GABRR3: variants seen among roughly 807,000 people sequenced by gnomAD.
The protein encoded by GABRR3 is gamma-aminobutyric acid receptor subunit rho-3.
GABRR3 carries 29 observed loss-of-function variants against 43.2 expected under a neutral mutation model. That is an observed-to-expected ratio of 0.67 (90% CI 0.50 to 0.92). The LOEUF (loss-of-function observed/expected upper bound fraction) is 0.92, where lower values mean the gene tolerates loss of function less well. GABRR3 is among the 40% of genes least tolerant of loss of function. The pLI, the probability that GABRR3 is intolerant of heterozygous loss-of-function variation, is 0.00. For synonymous variants in GABRR3, 206 were observed against 195.9 expected (o/e 1.05, Z -0.43); for missense variants, 576 against 572.3 (o/e 1.01, Z -0.07).
At chr3:98,009,005 G>C (rs1374773368) in exon 6 of GABRR3, 2 of 1,608,040 alleles carry the variant, frequency 1.2e-6, no homozygotes, top group African/African-American at 2.7e-5. Flanking sequence ...GAAACCTGCT[G>C]AAATCCATAA....
At chr3:98,015,427 C>T (rs933451128) in intron 4 of GABRR3, among the ~76,000 whole-genome samples, 1 of 152,196 alleles carries the variant, frequency 6.6e-6, no homozygotes, top group Non-Finnish European at 1.5e-5. Flanking sequence ...AACTCCTGAC[C>T]TCAAATGATC....
intron 3 of GABRR3, 96 bp from the exon 4 acceptor site, chr3:98,017,818 G>A: frequency 1.2e-6 from 1 of 814,006 alleles, no homozygotes. Flanking sequence ...GACAGCAACT[G>A]AATTACTGTT....
chr3:97,990,108 C>A (rs762857993), intron 9 of GABRR3, among the ~76,000 whole-genome samples: 6 of 152,258 alleles, frequency 3.9e-5, no homozygotes, highest in Admixed American at 3.9e-4. Context: ...TAGTAATACT[C>A]CTATTCCCTC....
intron 8 of GABRR3, among the ~76,000 whole-genome samples, chr3:97,994,270 G>C (rs1022207604): frequency 1.3e-5 from 2 of 152,178 alleles, no homozygotes; most frequent in African/African-American, 2.4e-5. Context: ...TCATCTGAGA[G>C]AGCCCCATAT....
chr3:97,987,564 A>C (rs1706404231), intron 9 of GABRR3, among the ~76,000 whole-genome samples: 1 of 152,198 alleles, frequency 6.6e-6, no homozygotes, highest in Admixed American at 6.5e-5. Context: ...GAGAGAGGCT[A>C]CTATCGGATG....
intron 7 of GABRR3, among the ~76,000 whole-genome samples, chr3:98,004,935 G>A (rs1201816248): frequency 3.3e-5 from 5 of 151,940 alleles, no homozygotes; most frequent in Non-Finnish European, 7.4e-5. Flanking sequence ...TTAATGATTC[G>A]TGGATAATGT....
Position 98,028,240 on chromosome 3 carries a change from GTTC to G in GABRR3, c.126-2564_126-2562del, listed in dbSNP as rs1707046564. The stretch of plus-strand genomic sequence containing the variant: ...AAAACTCGGTTTTTGCATTAATTCT[GTTC>G]TTATTTTTTAATCTTTATAGATGGA... On this transcript the variant is annotated intron_variant, in intron 2 of 9. Transcript: ENST00000621172. Among the ~76,000 whole-genome samples, 3 of 152,056 alleles carry G rather than the reference GTTC, an allele frequency of 2.0e-5. No homozygotes were observed. In the South Asian group the frequency reaches 6.2e-4, roughly 32 times the overall value.
At chr3:97,995,018 C>G (rs898134761) in intron 8 of GABRR3, among the ~76,000 whole-genome samples, 4 of 151,852 alleles carry the variant, frequency 2.6e-5, no homozygotes, top group Non-Finnish European at 5.9e-5. Flanking sequence ...TGCTCTTGTC[C>G]CCCAGGCTGG....
intron 3 of GABRR3, among the ~76,000 whole-genome samples, chr3:98,024,595 C>T (rs1270907667): frequency 1.3e-5 from 2 of 152,110 alleles, no homozygotes; most frequent in African/African-American, 4.8e-5. Context: ...TGAACACTTG[C>T]GGTATTCGTT....
At chr3:97,986,523 T>G, downstream of GABRR3, 1 of 551,112 alleles carries the variant, frequency 1.8e-6, no homozygotes, top group East Asian at 3.1e-5. Flanking sequence ...GGACCTAAAC[T>G]CTTTCTTAGA....
At chr3:98,025,799 T>C in intron 2 of GABRR3, 120 bp from the exon 3 acceptor site, 1 of 610,334 alleles carries the variant, frequency 1.6e-6, no homozygotes, top group Non-Finnish European at 2.8e-6. Context: ...AAAAGCTCAT[T>C]TTCTCAGTTC....
chr3:98,023,713 T>A (rs1279027417), intron 3 of GABRR3, among the ~76,000 whole-genome samples: 2 of 152,210 alleles, frequency 1.3e-5, no homozygotes. Flanking sequence ...TAAACCTGCT[T>A]CATCTCAAGG....
exon 10 of GABRR3, chr3:97,986,912 A>G (rs1706394493): frequency 6.2e-7 from 1 of 1,611,752 alleles, no homozygotes; most frequent in Admixed American, 1.7e-5. Context: ...GTCCATGTCA[A>G]TCTCGCTGTC....
In GABRR3 at chr3:98,003,485, T is replaced by TGCG. The variant is rs1706680017; in HGVS notation, c.755-1719_755-1718insCGC. Among the ~76,000 whole-genome samples, 9 of 151,472 alleles carry TGCG rather than the reference T, an allele frequency of 5.9e-5. No individual in the cohort carries two copies. The South Asian group carries it at 1.5e-3, about 25-fold the overall frequency. ...AGGAAGTCAAACTGTGGCTCTGTCT[T>TGCG]GTGGTTTTAGACTAGGGGTGGTATT... On this transcript the variant is annotated intron_variant, in intron 7 of 9. Coordinates refer to ENST00000621172, the Ensembl canonical transcript of GABRR3.
chr3:98,031,056 G>A (rs1288051971), intron 2 of GABRR3, among the ~76,000 whole-genome samples: 15 of 152,176 alleles, frequency 9.9e-5, no homozygotes, highest in African/African-American at 3.6e-4. Flanking sequence ...TACATCAGAT[G>A]TAGTGAATCT....
chr3:98,019,676 C>T (rs1706913973), intron 3 of GABRR3, among the ~76,000 whole-genome samples: 1 of 152,104 alleles, frequency 6.6e-6, no homozygotes, highest in Non-Finnish European at 1.5e-5. Flanking sequence ...ACCTCTGCCT[C>T]CTGGGTTCAA....
intron 6 of GABRR3, 33 bp downstream of exon 6, chr3:98,008,923 T>C (rs763544045): frequency 3.1e-6 from 4 of 1,289,442 alleles, no homozygotes; most frequent in Non-Finnish European, 3.3e-6. Flanking sequence ...GTTCAAATGA[T>C]GTGCACTCAC....
chr3:98,012,679 G>T, intron 4 of GABRR3, 112 bp from the exon 5 acceptor site: 1 of 691,882 alleles, frequency 1.4e-6, no homozygotes, highest in Non-Finnish European at 2.5e-6. Flanking sequence ...ACTTTTAAGT[G>T]AATGGTTAAT....
chr3:98,001,911 C>T, intron 7 of GABRR3, 144 bp from the exon 8 acceptor site: 1 of 758,606 alleles, frequency 1.3e-6, no homozygotes, highest in Non-Finnish European at 2.1e-6. Context: ...GGGCCTGGCA[C>T]TCCATCAACA....
Sources: gnomAD v4.1 joint callset for allele counts (sites outside exome capture counted in the v4.1 genomes callset) on GRCh38, gnomAD v4.1.1 for gene constraint, MANE v1.5 for transcripts, NCBI Gene and HGNC (gene_info 2026-07-23, HGNC 2026-07-21) for gene names.